EYA4: variants seen among roughly 807,000 people sequenced by gnomAD.
EYA4 encodes protein phosphatase EYA4.
EYA4 carries 31 observed loss-of-function variants against 87.9 expected under a neutral mutation model. That is an observed-to-expected ratio of 0.35 (90% CI 0.27 to 0.48). The LOEUF (loss-of-function observed/expected upper bound fraction) is 0.48. Ranked by LOEUF, EYA4 falls within the 20% of genes least tolerant of loss-of-function variation. The pLI, the probability that EYA4 is intolerant of heterozygous loss-of-function variation, is 0.99. For synonymous variants in EYA4, 263 were observed against 270.6 expected (o/e 0.97, Z 0.28); for missense variants, 678 against 761.4 (o/e 0.89, Z 1.29).
intron 11 of EYA4, among the ~76,000 whole-genome samples, chr6:133,469,886 A>G (rs1254225440): frequency 6.6e-6 from 1 of 152,138 alleles, no homozygotes; most frequent in African/African-American, 2.4e-5. Flanking sequence ...TTCAAAAGAC[A>G]CTATTAGAGA....
rs371914237 is a variant in EYA4, at chr6:133,499,044, CA to C, written c.1192-7061del. Among the ~76,000 whole-genome samples the C allele has an allele frequency of 4.4e-3, 670 of 152,194 alleles. 3 individuals are homozygous for C. The highest frequency in any genetic ancestry group is 0.031 in the Middle Eastern group (9 of 294). On this transcript the variant is annotated intron_variant, in intron 13 of 19. Transcript: ENST00000355286. ...ATTGATTAACTTGAAGCTAATATAC[CA>C]GAGAGATAATGGTAACTAATCTCTT...
At chr6:133,250,872 T>C (rs561667475) in intron 1 of EYA4, among the ~76,000 whole-genome samples, 3 of 152,170 alleles carry the variant, frequency 2.0e-5, no homozygotes, top group African/African-American at 7.2e-5. Context: ...TCAGTTGTTA[T>C]TACTATGATT....
chr6:133,267,309 G>A (rs1482778953), intron 1 of EYA4, among the ~76,000 whole-genome samples: 1 of 151,986 alleles, frequency 6.6e-6, no homozygotes, highest in East Asian at 1.9e-4. Context: ...TCTTAGTTGT[G>A]CATCCATGTT....
intron 19 of EYA4, among the ~76,000 whole-genome samples, chr6:133,525,651 A>G (rs1173819478): frequency 3.9e-5 from 6 of 152,122 alleles, no homozygotes; most frequent in Non-Finnish European, 8.8e-5. Context: ...GGGGAGAATA[A>G]CCATTGTTAA....
intron 3 of EYA4, among the ~76,000 whole-genome samples, chr6:133,397,363 G>A (rs159423): frequency 0.54 from 81,434 of 152,092 alleles, 26,773 homozygotes; most frequent in Non-Finnish European, 0.73. Context: ...TTTCCAAAAC[G>A]CCTACATTTC....
At chr6:133,367,340 A>G (rs1228676784) in intron 2 of EYA4, among the ~76,000 whole-genome samples, 2 of 152,252 alleles carry the variant, frequency 1.3e-5, no homozygotes. Flanking sequence ...GAGAGGGAGT[A>G]GACAAAGTAA....
At chr6:133,363,541 C>G (rs1018546907) in intron 2 of EYA4, 1 of 147,980 alleles carries the variant, frequency 6.8e-6, no homozygotes. Flanking sequence ...GTGGCGCGAT[C>G]TAGGCTCACT....
At chr6:133,395,289 G>C (rs2128503399) in intron 3 of EYA4, among the ~76,000 whole-genome samples, 1 of 150,480 alleles carries the variant, frequency 6.6e-6, no homozygotes, top group Admixed American at 6.6e-5. Context: ...GTGGCACATA[G>C]TAGGAGTGCA....
chr6:133,383,425 G>A (rs1237997285), intron 3 of EYA4, among the ~76,000 whole-genome samples: 1 of 137,934 alleles, frequency 7.2e-6, no homozygotes, highest in Non-Finnish European at 1.5e-5. Context: ...GGGTGAGGTG[G>A]AAGAATCACT....
At chr6:133,368,662 A>G (rs742297) in intron 2 of EYA4, among the ~76,000 whole-genome samples, 12,177 of 152,224 alleles carry the variant, frequency 0.08, 936 homozygotes, top group East Asian at 0.2. Context: ...CTGGCGCTCT[A>G]AAATAATCCA....
At chr6:133,264,758 C>T (rs1282673275) in intron 1 of EYA4, among the ~76,000 whole-genome samples, 1 of 152,104 alleles carries the variant, frequency 6.6e-6, no homozygotes, top group Non-Finnish European at 1.5e-5. Context: ...TTGAGATGTG[C>T]CCCCTCCACT....
At chr6:133,275,919 G>A (rs928815676) in intron 2 of EYA4, among the ~76,000 whole-genome samples, 4 of 152,142 alleles carry the variant, frequency 2.6e-5, no homozygotes, top group Non-Finnish European at 4.4e-5. Flanking sequence ...AAATGGTAGA[G>A]ATATATTCCT....
rs572724695 is a variant in EYA4, at chr6:133,360,378, C to T, written c.34-22014C>T. 1.8e-4 allele frequency among the ~76,000 whole-genome samples: 28 copies of T among 152,204 alleles called. No individual in the cohort carries two copies. In the South Asian group the frequency reaches 3.3e-3, roughly 18 times the overall value. On this transcript the variant is annotated intron_variant, in intron 2 of 19. Coordinates refer to ENST00000355286, the MANE Select transcript of EYA4 (RefSeq NM_004100.5). ...GCTCCAGTTTCGTCATCTGTCATAA[C>T]GAGTGCTATAAATACATGCTCTGTC...
chr6:133,310,746 A>T (rs1473052938), intron 2 of EYA4, among the ~76,000 whole-genome samples: 2 of 152,222 alleles, frequency 1.3e-5, no homozygotes, highest in African/African-American at 4.8e-5. Flanking sequence ...TAGCAGAGTT[A>T]TATGATTTAG....
chr6:133,302,949 A>G (rs1779525735), intron 2 of EYA4, among the ~76,000 whole-genome samples: 1 of 152,196 alleles, frequency 6.6e-6, no homozygotes, highest in African/African-American at 2.4e-5. Flanking sequence ...TTCACGGGCC[A>G]TGCAGTCTCA....
chr6:133,510,608 C>A (rs756358541), intron 14 of EYA4: 5 of 246,158 alleles, frequency 2.0e-5, no homozygotes, highest in Non-Finnish European at 3.2e-5. Context: ...CATAATGCCT[C>A]CTTTGGTTAC....
intron 18 of EYA4, 155 bp from the exon 19 acceptor site, chr6:133,524,999 G>C (rs914983214): frequency 6.3e-7 from 1 of 1,599,434 alleles, no homozygotes; most frequent in East Asian, 2.2e-5. Flanking sequence ...AGAATAAGCA[G>C]TGCATTGTTT....
rs572526736 is a variant in EYA4 at position 133,398,085 on chromosome 6, G to A, written c.83+15644G>A. On this transcript the variant is annotated intron_variant, in intron 3 of 19. Transcript: ENST00000355286. ...ACTGAGTGGCCATTAAATGTTTTGTGCTAAATGTAAGAGATAAAACTGGAA... is the reference window on the plus strand; with the variant it reads ...ACTGAGTGGCCATTAAATGTTTTGTACTAAATGTAAGAGATAAAACTGGAA... Among the ~76,000 whole-genome samples, 317 of 152,248 alleles carry A rather than the reference G, an allele frequency of 2.1e-3. 2 individuals are homozygous for A. Among genetic ancestry groups the A allele is most frequent in the African/African-American group, 7.4e-3 (308 of 41,536 alleles).
At chr6:133,353,119 G>A (rs1371170025) in intron 2 of EYA4, among the ~76,000 whole-genome samples, 1 of 152,110 alleles carries the variant, frequency 6.6e-6, no homozygotes, top group Non-Finnish European at 1.5e-5. Flanking sequence ...AAGTTGTGCT[G>A]AGAATGTTTA....
Sources: gnomAD v4.1 joint callset for allele counts (sites outside exome capture counted in the v4.1 genomes callset) on GRCh38, gnomAD v4.1.1 for gene constraint, MANE v1.5 for transcripts, NCBI Gene and HGNC (gene_info 2026-07-23, HGNC 2026-07-21) for gene names.